CNOT6L: variants seen among roughly 807,000 people sequenced by gnomAD.
The protein encoded by CNOT6L is CCR4-NOT transcription complex subunit 6 like, also known as CCR4-NOT transcription complex subunit 6-like.
CNOT6L carries 7 observed loss-of-function variants against 64.0 expected under a neutral mutation model. The observed-to-expected ratio is 0.11, with a 90% CI of 0.06 to 0.21. CNOT6L has a LOEUF of 0.21. Ranked by LOEUF, CNOT6L falls within the 10% of genes least tolerant of loss-of-function variation. CNOT6L has a pLI of 1.00. For missense variants in CNOT6L, 245 were observed against 669.0 expected (o/e 0.37, Z 6.99); for synonymous variants, 193 against 243.4 (o/e 0.79, Z 1.93).
At chr4:77,774,764 T>C (rs536514847) in intron 2 of CNOT6L, 48 bp from the exon 3 acceptor site, 4 of 1,274,092 alleles carry the variant, frequency 3.1e-6, no homozygotes, top group East Asian at 5.4e-5. Flanking sequence ...AGGCCCAAGA[T>C]GACACCTAAA....
At chr4:77,755,219 A>C (rs1725395719) in intron 5 of CNOT6L, among the ~76,000 whole-genome samples, 2 of 143,642 alleles carry the variant, frequency 1.4e-5, no homozygotes, top group African/African-American at 2.6e-5. Flanking sequence ...CTATAGAGAC[A>C]AGAGTTTTTT....
chr4:77,760,694 G>T (rs1726102935), intron 4 of CNOT6L, among the ~76,000 whole-genome samples: 1 of 150,714 alleles, frequency 6.6e-6, no homozygotes, highest in South Asian at 2.1e-4. Context: ...ACAATGAAGG[G>T]ACAGCCAAAA....
chr4:77,788,776 G>C (rs1343291110), intron 1 of CNOT6L, among the ~76,000 whole-genome samples: 2 of 150,854 alleles, frequency 1.3e-5, no homozygotes, highest in Non-Finnish European at 2.9e-5. Context: ...GATGAAAGAA[G>C]TGCAAATGTG....
chr4:77,745,485 G>C (rs1259708315), intron 6 of CNOT6L, among the ~76,000 whole-genome samples: 1 of 152,164 alleles, frequency 6.6e-6, no homozygotes, highest in African/African-American at 2.4e-5. Flanking sequence ...GTGCTGTGAA[G>C]ACCAGCAGCA....
rs767285973 is a variant in CNOT6L at position 77,726,380 on chromosome 4, A to G, written c.1253-11T>C. ...AGTATTCCACAACACCTGGTAGAAT[A>G]AAGAAGAGACACTTCCATTTAGCAT... On this transcript the variant is annotated splice_polypyrimidine_tract_variant and intron_variant, in intron 10 of 11. Coordinates refer to ENST00000504123, the MANE Select transcript of CNOT6L (RefSeq NM_144571.3). 2.5e-6 allele frequency: 4 copies of G among 1,600,284 alleles called. No individual in the cohort carries two copies. Among genetic ancestry groups the G allele is most frequent in the Non-Finnish European group, 3.4e-6 (4 of 1,169,630 alleles).
At chr4:77,767,115 A>T (rs1169833403) in intron 4 of CNOT6L, among the ~76,000 whole-genome samples, 6 of 8,374 alleles carry the variant, frequency 7.2e-4, no homozygotes, top group Non-Finnish European at 3.6e-3. Flanking sequence ...GGTTTACAAT[A>T]AAAAAAAAAA....
At chr4:77,767,477 G>A (rs1283890390) in intron 4 of CNOT6L, among the ~76,000 whole-genome samples, 1 of 152,064 alleles carries the variant, frequency 6.6e-6, no homozygotes, top group Non-Finnish European at 1.5e-5. Flanking sequence ...ATGCTAATTG[G>A]TACAAGGTTA....
chr4:77,740,188 C>A (rs942746344), intron 8 of CNOT6L, among the ~76,000 whole-genome samples: 1 of 151,928 alleles, frequency 6.6e-6, no homozygotes, highest in East Asian at 1.9e-4. Flanking sequence ...TAGGGCAACA[C>A]AGCAAGACCC....
intron 1 of CNOT6L, among the ~76,000 whole-genome samples, chr4:77,791,199 C>G (rs989193911): frequency 1.3e-5 from 2 of 151,948 alleles, no homozygotes; most frequent in African/African-American, 4.8e-5. Context: ...AATCACAAAC[C>G]CGGGAAGTGG....
chr4:77,774,322 G>A (rs571249352), intron 3 of CNOT6L, among the ~76,000 whole-genome samples: 1 of 152,102 alleles, frequency 6.6e-6, no homozygotes, highest in East Asian at 1.9e-4. Flanking sequence ...CAAGGAAACT[G>A]GTAATACAAG....
At chr4:77,809,931 A>G (rs1404341643) in intron 1 of CNOT6L, among the ~76,000 whole-genome samples, 1 of 152,140 alleles carries the variant, frequency 6.6e-6, no homozygotes, top group Non-Finnish European at 1.5e-5. Flanking sequence ...CAATATTTGA[A>G]AGCCCCAAAT....
intron 8 of CNOT6L, among the ~76,000 whole-genome samples, chr4:77,739,771 A>C (rs1723374456): frequency 6.6e-6 from 1 of 152,196 alleles, no homozygotes; most frequent in African/African-American, 2.4e-5. Context: ...TGACACATCT[A>C]AGTACTTCCT....
intron 5 of CNOT6L, among the ~76,000 whole-genome samples, chr4:77,756,480 C>G (rs1725588446): frequency 6.6e-6 from 1 of 152,122 alleles, no homozygotes; most frequent in Non-Finnish European, 1.5e-5. Flanking sequence ...GCATCAAATG[C>G]AAACAACTAA....
intron 4 of CNOT6L, among the ~76,000 whole-genome samples, chr4:77,761,884 A>C (rs991945225): frequency 6.6e-6 from 1 of 152,182 alleles, no homozygotes. Context: ...AAATTTACAA[A>C]CATCACAAGA....
intron 1 of CNOT6L, among the ~76,000 whole-genome samples, chr4:77,810,301 C>T (rs989752613): frequency 6.6e-6 from 1 of 152,038 alleles, no homozygotes; most frequent in Non-Finnish European, 1.5e-5. Flanking sequence ...AAGTGAAACA[C>T]AACTTTACCT....
intron 1 of CNOT6L, among the ~76,000 whole-genome samples, chr4:77,811,763 T>C (rs917621153): frequency 4.6e-5 from 7 of 151,764 alleles, no homozygotes; most frequent in Non-Finnish European, 1.0e-4. Context: ...CTCAACAATC[T>C]AGGAAATGAA....
chr4:77,730,513 C>T (rs1285820946), intron 9 of CNOT6L, among the ~76,000 whole-genome samples: 1 of 151,728 alleles, frequency 6.6e-6, no homozygotes, highest in Non-Finnish European at 1.5e-5. Flanking sequence ...AGATATTCTC[C>T]ACAATATCAG....
intron 11 of CNOT6L, 124 bp downstream of exon 11, chr4:77,726,043 T>C (rs1721815668): frequency 1.1e-6 from 1 of 875,976 alleles, no homozygotes; most frequent in Admixed American, 2.0e-5. Flanking sequence ...ATACTTAGCC[T>C]AGACATTTTA....
chr4:77,784,211 A>G lies in CNOT6L; in HGVS notation c.6-7819T>C, dbSNP rs561104772. On this transcript the variant is annotated intron_variant, in intron 1 of 11. Transcript: ENST00000504123. ...TTCTGCATATTTAAAACTTTTTCCC[A>G]TATCTGAGATACAAGACAACAGCAG... Among the ~76,000 whole-genome samples the G allele has an allele frequency of 3.3e-5, 5 of 152,308 alleles. No homozygotes were observed. The East Asian group carries it at 9.6e-4, about 29-fold the overall frequency.
Sources: gnomAD v4.1 joint callset for allele counts (sites outside exome capture counted in the v4.1 genomes callset) on GRCh38, gnomAD v4.1.1 for gene constraint, MANE v1.5 for transcripts, NCBI Gene and HGNC (gene_info 2026-07-23, HGNC 2026-07-21) for gene names.